The following MPP4 variants were observed in gnomAD, a reference collection of about 807,000 sequenced individuals.
MPP4 encodes the protein MAGUK p55 subfamily member 4.
Under a neutral mutation model 98.3 loss-of-function variants are expected in MPP4, and 91 were observed. The observed-to-expected ratio is 0.93, with a 90% CI of 0.78 to 1.10. MPP4 has a LOEUF of 1.10. MPP4 is among the 50% of genes least tolerant of loss of function. MPP4 has a pLI of 0.00. For missense variants in MPP4, 744 were observed against 792.9 expected (o/e 0.94, Z 0.74); for synonymous variants, 261 against 271.8 (o/e 0.96, Z 0.39).
intron 11 of MPP4, among the ~76,000 whole-genome samples, chr2:201,672,421 GAC>G (rs2105930276): frequency 6.6e-6 from 1 of 152,150 alleles, no homozygotes; most frequent in South Asian, 2.1e-4. Flanking sequence ...AGGAGACAGA[GAC>G]ACAAAAAAAC....
chr2:201,688,585 C>G (rs950630068), intron 4 of MPP4, among the ~76,000 whole-genome samples: 2 of 152,086 alleles, frequency 1.3e-5, no homozygotes, highest in Non-Finnish European at 2.9e-5. Context: ...GGGCCCCAGG[C>G]AGAAGCATGC....
At chr2:201,681,391 C>G (rs1255245951) in intron 9 of MPP4, 105 bp downstream of exon 9, 2 of 1,000,812 alleles carry the variant, frequency 2.0e-6, no homozygotes, top group Non-Finnish European at 3.1e-6. Flanking sequence ...AGTCTTGAAT[C>G]CAGGTCCAAC....
intron 12 of MPP4, chr2:201,666,759 A>G (rs937196763): frequency 1.5e-5 from 2 of 132,364 alleles, no homozygotes; most frequent in Non-Finnish European, 3.6e-5. Flanking sequence ...AATAAATAAA[A>G]ATAAAAAAAA....
At position 201,692,987 on chromosome 2, in the gene MPP4, A is replaced by G; in HGVS notation, c.122T>C (p.Leu41Pro). The G allele has an allele frequency of 2.5e-6, 4 of 1,613,250 alleles. No individual in the cohort carries two copies. The highest frequency in any genetic ancestry group is 3.4e-6 in the Non-Finnish European group (4 of 1,179,628). Residue 41 changes from leucine to proline, a missense_variant, in exon 3 of 22, where the codon CTG (leucine) becomes CCG (proline). Transcript: ENST00000409474. Reference protein sequence around the residue: ...ILRLVLQELSLFYGRDVNGVC... With the variant: ...ILRLVLQELSPFYGRDVNGVC... ...TCCATTCACATCTCTGCCGTAGAACAGACTCAGCTCTTGCAGCACAAGCCT... is the reference window on the plus strand; with the variant it reads ...TCCATTCACATCTCTGCCGTAGAACGGACTCAGCTCTTGCAGCACAAGCCT...
chr2:201,664,810 G>A (rs1011048384), intron 13 of MPP4, among the ~76,000 whole-genome samples: 1 of 152,108 alleles, frequency 6.6e-6, no homozygotes, highest in Non-Finnish European at 1.5e-5. Flanking sequence ...GTTTATAATA[G>A]AAACAAATGG....
In MPP4 at chr2:201,685,143, T is replaced by G; in HGVS notation, c.495A>C (p.Gly165=). The G allele has an allele frequency of 6.2e-7, 1 of 1,609,430 alleles. No homozygotes were observed. Among genetic ancestry groups the G allele is most frequent in the Non-Finnish European group, 8.5e-7 (1 of 1,178,052 alleles). Residue 165 remains glycine (G), a splice_region_variant and synonymous_variant, in exon 7 of 22, where the codon GGA becomes GGC. Coordinates refer to ENST00000409474, the MANE Select transcript of MPP4 (RefSeq NM_033066.3). ...VCLVKNQQPL[G]ATIKRHEMTG... is the part of the protein sequence containing the mutation. ...TCATCTCGTGGCGCTTGATGGTGGC[T>G]CCCTGAAGAGAGAATAGACGAGATC... is the stretch of plus-strand genomic sequence containing the variant.
At chr2:201,646,998 G>A (rs1332628980) in intron 21 of MPP4, among the ~76,000 whole-genome samples, 1 of 152,160 alleles carries the variant, frequency 6.6e-6, no homozygotes, top group Non-Finnish European at 1.5e-5. Context: ...CTTGATGTGG[G>A]TGATGGTTAT....
Position 201,649,630 on chromosome 2 carries a change from A to T in MPP4, c.1530T>A (p.Ala510=), listed in dbSNP as rs923778060. 6.2e-7 allele frequency: 1 copy of T among 1,611,080 alleles called. No individual in the cohort carries two copies. Among genetic ancestry groups the T allele is most frequent in the Non-Finnish European group, 8.5e-7 (1 of 1,178,746 alleles). ...TTCCTTCGACAAGGACTGTTTGAAC[A>T]GCATCCACACTAGTGCCATACAGGT... is the stretch of plus-strand genomic sequence containing the variant. ...KGHLYGTSVD[A]VQTVLVEGKI... The change falls in exon 20 of 22, where the codon GCT becomes GCA. Residue 510 remains alanine (A), a synonymous_variant. Transcript: ENST00000409474.
At chr2:201,669,845 G>T in intron 11 of MPP4, 95 bp from the exon 12 acceptor site, 1 of 1,003,258 alleles carries the variant, frequency 1.0e-6, no homozygotes, top group Non-Finnish European at 1.3e-6. Flanking sequence ...GAAATGTAAT[G>T]TGCAAAAATT....
In MPP4 at chr2:201,645,377, A is replaced by C. The variant is rs777051484; in HGVS notation, c.1747T>G (p.Leu583Val). Residue 583 changes from leucine (L) to valine (V), a missense_variant, in exon 22 of 22, where the codon TTA (leucine) becomes GTA (valine). Leu to Val is a conservative substitution (Grantham distance 32, BLOSUM62 1). Transcript: ENST00000409474. ...KDEDLQEMENLAQRMETQFGQ... is the reference protein window; with the variant it reads ...KDEDLQEMENVAQRMETQFGQ... ...AACTGAGTTTCCATTCTTTGGGCTA[A>C]ATTTTCCATCTCTTGTAGGTCTTCA... 21 of 1,613,906 alleles carry C rather than the reference A, an allele frequency of 1.3e-5. No individual in the cohort carries two copies. Among genetic ancestry groups the C allele is most frequent in the Middle Eastern group, 1.6e-4 (1 of 6,084 alleles).
intron 15 of MPP4, among the ~76,000 whole-genome samples, chr2:201,658,867 T>G (rs1687932289): frequency 1.3e-5 from 2 of 152,206 alleles, no homozygotes; most frequent in African/African-American, 4.8e-5. Flanking sequence ...TTCAGTATCA[T>G]ATAACTTTAA....
intron 7 of MPP4, among the ~76,000 whole-genome samples, chr2:201,684,746 T>C (rs2015946): frequency 0.33 from 49,405 of 151,618 alleles, 9,944 homozygotes; most frequent in Middle Eastern, 0.48. Flanking sequence ...GTCGGGAGAT[T>C]GAGACCATCC....
At chr2:201,686,350 T>C (rs986319947) in intron 5 of MPP4, among the ~76,000 whole-genome samples, 8 of 152,250 alleles carry the variant, frequency 5.3e-5, no homozygotes, top group African/African-American at 1.9e-4. Context: ...TCTTATTTCC[T>C]GGCAGCCCAT....
chr2:201,656,037 CT>C (rs1291410315), intron 17 of MPP4, among the ~76,000 whole-genome samples, 160 bp downstream of exon 17: 1 of 152,202 alleles, frequency 6.6e-6, no homozygotes, highest in Non-Finnish European at 1.5e-5. Context: ...TAAAATGTTA[CT>C]TATAAACACA....
chr2:201,690,911 C>G (rs1272981167), intron 3 of MPP4, among the ~76,000 whole-genome samples: 1 of 152,208 alleles, frequency 6.6e-6, no homozygotes, highest in Non-Finnish European at 1.5e-5. Flanking sequence ...GCTGAGGACA[C>G]CAAAGCCTGC....
At chr2:201,658,352 G>A (rs988817693) in intron 16 of MPP4, 125 bp downstream of exon 16, 21 of 737,264 alleles carry the variant, frequency 2.8e-5, no homozygotes, top group African/African-American at 2.7e-4. Flanking sequence ...GAAAGAAAAG[G>A]AAACTAGAAT....
intron 18 of MPP4, among the ~76,000 whole-genome samples, chr2:201,654,090 C>G (rs1338875941): frequency 6.6e-6 from 1 of 151,982 alleles, no homozygotes; most frequent in African/African-American, 2.4e-5. Context: ...GATTATCTGT[C>G]TCAGCCTCCT....
chr2:201,667,697 T>C (rs1368265725), intron 12 of MPP4, among the ~76,000 whole-genome samples: 2 of 152,236 alleles, frequency 1.3e-5, no homozygotes, highest in African/African-American at 4.8e-5. Context: ...AGCTTATACA[T>C]GTTCCAAAAG....
At chr2:201,653,686 T>C (rs1445220267) in intron 18 of MPP4, among the ~76,000 whole-genome samples, 1 of 152,206 alleles carries the variant, frequency 6.6e-6, no homozygotes, top group African/African-American at 2.4e-5. Context: ...GTCTTGATCT[T>C]TTCTATTTTT....
Sources: allele counts gnomAD v4.1 joint callset (sites outside exome capture counted in the v4.1 genomes callset), GRCh38; gene constraint gnomAD v4.1.1; transcripts MANE v1.5; gene names NCBI Gene and HGNC (gene_info 2026-07-23, HGNC 2026-07-21).